The following DMTF1 variants were observed in gnomAD, a reference collection of about 807,000 sequenced individuals.
The protein encoded by DMTF1 is cyclin D binding myb like transcription factor 1.
In DMTF1, 39 loss-of-function variants were observed where a neutral mutation model predicts 91.1. That is an observed-to-expected ratio of 0.43 (90% confidence interval 0.33 to 0.56). The LOEUF (loss-of-function observed/expected upper bound fraction) is 0.56, where lower values mean the gene tolerates loss of function less well. Ranked by LOEUF, DMTF1 falls within the 20% of genes least tolerant of loss-of-function variation. DMTF1 has a pLI of 0.05. For missense variants in DMTF1, 750 were observed against 914.5 expected, an observed-to-expected ratio of 0.82 and a Z score of 2.32; for synonymous variants, 338 against 309.5, an observed-to-expected ratio of 1.09 and a Z score of -0.97.
At chr7:87,176,743 T>G (rs994961145) in intron 7 of DMTF1, among the ~76,000 whole-genome samples, 3 of 152,184 alleles carry the variant, frequency 2.0e-5, no homozygotes, top group African/African-American at 7.2e-5. Context: ...TCCAAAAGAT[T>G]ATTTTGGAAA....
rs780306366 is a variant in DMTF1, at chr7:87,194,076, G to C, written c.2002G>C (p.Asp668His). ...TDLKQEESPS[D>H]LASAYVTEGL... ...CCTTAAACAAGAGGAATCACCCTCT[G>C]ATTTAGCCAGTGCTTATGTTACTGA... is the stretch of plus-strand genomic sequence containing the variant. Residue 668 changes from aspartate to histidine, a missense_variant, in exon 16 of 18, where the codon GAT (aspartate) becomes CAT (histidine). Around this residue, in one of 3 missense-constraint regions of DMTF1, gnomAD observed 410 missense variants for 420.2 expected, o/e 0.98. Coordinates refer to ENST00000331242, the MANE Select transcript of DMTF1 (RefSeq NM_001142327.2). The C allele has an allele frequency of 2.5e-6, 4 of 1,604,332 alleles. No individual in the cohort carries two copies. In the African/African-American group the frequency reaches 5.4e-5, roughly 22 times the overall value.
intron 16 of DMTF1, 54 bp from the exon 17 acceptor site, chr7:87,194,630 T>TA: frequency 4.4e-6 from 6 of 1,375,828 alleles, no homozygotes; most frequent in Non-Finnish European, 6.1e-6. Context: ...ACATGGGATT[T>TA]TAAGGAAGAC....
intron 10 of DMTF1, among the ~76,000 whole-genome samples, 166 bp downstream of exon 10, chr7:87,182,503 T>C (rs552293980): frequency 4.5e-4 from 69 of 152,276 alleles, no homozygotes; most frequent in Non-Finnish European, 9.1e-4. Context: ...TATATCAAAC[T>C]AATCTTTTAC....
intron 7 of DMTF1, among the ~76,000 whole-genome samples, chr7:87,177,544 C>T (rs538033922): frequency 3.9e-4 from 60 of 152,116 alleles, no homozygotes; most frequent in African/African-American, 1.2e-3. Flanking sequence ...AATTTAGTGG[C>T]CTGTCTTTTC....
intron 1 of DMTF1, among the ~76,000 whole-genome samples, chr7:87,157,873 T>C (rs911117545): frequency 6.6e-6 from 1 of 151,982 alleles, no homozygotes; most frequent in Admixed American, 6.6e-5. Flanking sequence ...ACCAGAATGG[T>C]TTTATTTTTG....
rs776426298 is a variant in DMTF1, at chr7:87,195,027, A to G, written c.2174-4A>G. The G allele has an allele frequency of 1.2e-6, 2 of 1,605,328 alleles. No individual in the cohort carries two copies. Among genetic ancestry groups the G allele is most frequent in the Admixed American group, 1.7e-5 (1 of 59,416 alleles). The stretch of plus-strand genomic sequence containing the variant: ...ATTTAAGACTAACTTGAAACTCATT[A>G]CAGATCCCATACTCCAACATCATCA... On this transcript the variant is annotated splice_region_variant and splice_polypyrimidine_tract_variant and intron_variant, in intron 17 of 17. Transcript: ENST00000331242.
At chr7:87,170,705 C>T (rs981210385) in intron 4 of DMTF1, among the ~76,000 whole-genome samples, 2 of 152,166 alleles carry the variant, frequency 1.3e-5, no homozygotes, top group African/African-American at 4.8e-5. Flanking sequence ...CACCATCCAA[C>T]GTAGTATCTT....
At position 87,194,109 on chromosome 7, in the gene DMTF1, T is replaced by A. The variant is rs748357688; in HGVS notation, c.2028+7T>A. 19 of 1,555,510 alleles carry A rather than the reference T, an allele frequency of 1.2e-5. No homozygotes were observed. The Admixed American group carries it at 3.1e-4, about 26-fold the overall frequency. On this transcript the variant is annotated splice_region_variant and intron_variant, in intron 16 of 17. Coordinates refer to ENST00000331242, the MANE Select transcript of DMTF1 (RefSeq NM_001142327.2). ...CAGTGCTTATGTTACTGAGGTAAGT[T>A]GTACTTTAAGAACAACTGAATGGAT...
chr7:87,194,584 A>G, intron 16 of DMTF1, 100 bp from the exon 17 acceptor site: 2 of 776,864 alleles, frequency 2.6e-6, no homozygotes, highest in South Asian at 4.8e-5. Context: ...TGATTTTTAA[A>G]TGGGTTATGT....
intron 1 of DMTF1, among the ~76,000 whole-genome samples, chr7:87,153,965 T>G (rs920303870): frequency 1.3e-5 from 2 of 152,212 alleles, no homozygotes; most frequent in Admixed American, 6.5e-5. Flanking sequence ...TCAAATAGCT[T>G]TCTGAGGATT....
intron 13 of DMTF1, 132 bp downstream of exon 13, chr7:87,188,433 A>G (rs557102616): frequency 2.2e-6 from 2 of 919,208 alleles, no homozygotes; most frequent in Admixed American, 2.3e-5. Flanking sequence ...CATCTAAGAT[A>G]TTTTGTTTAG....
chr7:87,185,145 A>AT (rs1281539359), intron 11 of DMTF1: 15 of 218,908 alleles, frequency 6.9e-5, no homozygotes, highest in Admixed American at 6.2e-4. Flanking sequence ...ATCCCAGCTT[A>AT]TTTTTTTAAG....
intron 1 of DMTF1, among the ~76,000 whole-genome samples, chr7:87,161,228 T>A (rs1163550638): frequency 6.6e-6 from 1 of 152,240 alleles, no homozygotes; most frequent in East Asian, 1.9e-4. Flanking sequence ...CCAGGCACAT[T>A]GGCTCACGCC....
intron 1 of DMTF1, among the ~76,000 whole-genome samples, chr7:87,161,765 C>G (rs1792479905): frequency 6.6e-6 from 1 of 152,154 alleles, no homozygotes; most frequent in Non-Finnish European, 1.5e-5. Context: ...AAACCTGTGA[C>G]CATTTTGCAC....
In DMTF1 at chr7:87,194,758, A is replaced by C; in HGVS notation, c.2103A>C (p.Ser701=). 6.2e-7 allele frequency: 1 copy of C among 1,612,156 alleles called. No individual in the cohort carries two copies. The highest frequency in any genetic ancestry group is 8.5e-7 in the Non-Finnish European group (1 of 1,178,798). Residue 701 remains serine, a synonymous_variant, in exon 17 of 18, where the codon TCA becomes TCC. Transcript: ENST00000331242. ...ATGAAACAATACTTATCGTTCCTTCACCACATGGCTTTATCCAGGCATCTG... is the reference window on the plus strand; with the variant it reads ...ATGAAACAATACTTATCGTTCCTTCCCCACATGGCTTTATCCAGGCATCTG... ...IDDETILIVP[S]PHGFIQASDV...
At chr7:87,152,679 A>C (rs1789455802) in intron 1 of DMTF1, 124 bp downstream of exon 1, 1 of 152,840 alleles carries the variant, frequency 6.5e-6, no homozygotes, top group Non-Finnish European at 1.5e-5. Context: ...GCGCCGGGGC[A>C]CTGCGGGCGG....
chr7:87,173,093 T>C (rs1387394122), intron 5 of DMTF1, among the ~76,000 whole-genome samples: 1 of 152,206 alleles, frequency 6.6e-6, no homozygotes, highest in African/African-American at 2.4e-5. Flanking sequence ...CTGAGGGCAT[T>C]AACAAATCAT....
chr7:87,168,982 C>G (rs965441244), intron 4 of DMTF1, among the ~76,000 whole-genome samples: 4 of 152,216 alleles, frequency 2.6e-5, no homozygotes, highest in African/African-American at 9.6e-5. Context: ...CTACCTGCAT[C>G]TATGTCCATC....
At chr7:87,169,383 T>C (rs1367855789) in intron 4 of DMTF1, among the ~76,000 whole-genome samples, 1 of 152,130 alleles carries the variant, frequency 6.6e-6, no homozygotes, top group Non-Finnish European at 1.5e-5. Flanking sequence ...TGCTTGAGCC[T>C]GGGAGGTTGA....
Sources: allele counts gnomAD v4.1 joint callset (sites outside exome capture counted in the v4.1 genomes callset), GRCh38; gene constraint gnomAD v4.1.1; regional missense constraint gnomAD v4.1.1; transcripts MANE v1.5; gene names NCBI Gene and HGNC (gene_info 2026-07-23, HGNC 2026-07-21).